Variants in CELF2 observed in about 807,000 individuals in gnomAD.
CELF2 encodes the protein CUGBP Elav-like family member 2.
In CELF2, 8 loss-of-function variants were observed where a neutral mutation model predicts 62.6. The observed-to-expected ratio is 0.13, with a 90% CI of 0.07 to 0.23. The LOEUF (loss-of-function observed/expected upper bound fraction) is 0.23, where lower values mean the gene tolerates loss of function less well. Among genes scored for constraint, CELF2 ranks in the 10% least tolerant of loss-of-function variants. The pLI is 1.00. For synonymous variants in CELF2, 258 were observed against 250.0 expected (o/e 1.03, Z -0.30); for missense variants, 333 against 671.0 (o/e 0.50, Z 5.56).
At chr10:11,264,268 C>G (rs2081548359) in intron 5 of CELF2, among the ~76,000 whole-genome samples, 1 of 152,218 alleles carries the variant, frequency 6.6e-6, no homozygotes, top group South Asian at 2.1e-4. Flanking sequence ...CTGTATCTTT[C>G]TCACTAAGTT....
chr10:10,858,362 A>G (rs1472314051), intron 1 of CELF2, among the ~76,000 whole-genome samples: 1 of 152,140 alleles, frequency 6.6e-6, no homozygotes, highest in Non-Finnish European at 1.5e-5. Context: ...GCTACTTTTC[A>G]TAACTGCTTG....
chr10:10,910,889 C>T (rs1205354574), intron 1 of CELF2, among the ~76,000 whole-genome samples: 1 of 152,060 alleles, frequency 6.6e-6, no homozygotes, highest in East Asian at 1.9e-4. Context: ...GTTACATTTG[C>T]GACTGCCAAA....
intron 1 of CELF2, among the ~76,000 whole-genome samples, chr10:10,919,185 G>A (rs1426966613): frequency 2.6e-5 from 4 of 152,066 alleles, no homozygotes; most frequent in East Asian, 1.9e-4. Context: ...CACGAGAATC[G>A]CTGGAACCCA....
At chr10:10,873,663 G>A (rs1414591864) in intron 1 of CELF2, among the ~76,000 whole-genome samples, 1 of 152,220 alleles carries the variant, frequency 6.6e-6, no homozygotes, top group Admixed American at 6.5e-5. Flanking sequence ...TTTTAACCAA[G>A]GTTGTAGAGT....
At chr10:11,252,061 C>T (rs1433192333) in intron 4 of CELF2, among the ~76,000 whole-genome samples, 2 of 152,230 alleles carry the variant, frequency 1.3e-5, no homozygotes, top group East Asian at 1.9e-4. Flanking sequence ...GAGCGGAAGG[C>T]TGCTTTTAAA....
At chr10:11,326,295 A>G (rs945412785) in intron 12 of CELF2, among the ~76,000 whole-genome samples, 5 of 152,258 alleles carry the variant, frequency 3.3e-5, no homozygotes, top group African/African-American at 1.2e-4. Flanking sequence ...GGGCAACACC[A>G]TATTGGGGGC....
chr10:10,606,463 G>T, the CELF2 span, among the ~76,000 whole-genome samples: 1 of 152,156 alleles, frequency 6.6e-6, no homozygotes, highest in Non-Finnish European at 1.5e-5. Context: ...TCGAGGACTA[G>T]CTTTAAATTG....
chr10:10,474,874 T>C, the CELF2 span, among the ~76,000 whole-genome samples: 1 of 151,992 alleles, frequency 6.6e-6, no homozygotes, highest in Non-Finnish European at 1.5e-5. Context: ...ACTAAGACAT[T>C]AGTTGTGGAA....
At position 11,075,093 on chromosome 10, in the gene CELF2, C is replaced by T. The variant is rs2141133040; in HGVS notation, c.74+56930C>T. ...CTCTTGTCACTATGGGAAAATGCTG[C>T]TCTGTCCTAATCCCCTTGGCCCTGA... On this transcript the variant is annotated intron_variant, in intron 1 of 12. Coordinates refer to ENST00000633077, the MANE Select transcript of CELF2 (RefSeq NM_001326342.2). This position sits in a 1 kb window ranked among gnomAD's most constrained non-coding sequence, Gnocchi z 5.4. 1 of 152,286 alleles carries T rather than the reference C, an allele frequency of 6.6e-6. No homozygotes were observed. Among genetic ancestry groups the T allele is most frequent in the African/African-American group, 2.4e-5 (1 of 41,562 alleles). The allele number at this position is 152,286 out of a possible 1,614,324, so 9.4% of individuals were successfully genotyped here. A position where few individuals can be genotyped will look rare whatever the true frequency, so the allele number is the denominator to read the frequency against.
At chr10:11,079,097 C>A (rs1284267007) in intron 1 of CELF2, among the ~76,000 whole-genome samples, 1 of 152,108 alleles carries the variant, frequency 6.6e-6, no homozygotes, top group East Asian at 1.9e-4. Context: ...CTCTTACTCC[C>A]TACCCTCTCT....
the CELF2 span, among the ~76,000 whole-genome samples, chr10:10,784,253 A>C: frequency 2.0e-5 from 3 of 152,016 alleles, no homozygotes; most frequent in African/African-American, 4.8e-5. Flanking sequence ...TGGGATGAGC[A>C]CCCCTGGGTT....
the CELF2 span, chr10:10,792,537 C>T: frequency 2.5e-6 from 1 of 397,664 alleles, no homozygotes; most frequent in Non-Finnish European, 4.4e-6. Context: ...TGTTTGTAAG[C>T]ACACAAAAAC....
chr10:10,914,923 G>T (rs2064179510), intron 1 of CELF2, among the ~76,000 whole-genome samples: 1 of 152,084 alleles, frequency 6.6e-6, no homozygotes, highest in Non-Finnish European at 1.5e-5. Context: ...CAGGTCAGGA[G>T]TTGGAGACCA....
intron 2 of CELF2, among the ~76,000 whole-genome samples, chr10:10,956,103 A>G (rs2048864165): frequency 6.6e-6 from 1 of 152,172 alleles, no homozygotes; most frequent in South Asian, 2.1e-4. Flanking sequence ...TCTTATATGG[A>G]TGGGTCTGTT....
the CELF2 span, among the ~76,000 whole-genome samples, chr10:10,645,548 G>T: frequency 5.3e-5 from 8 of 152,302 alleles, no homozygotes; most frequent in East Asian, 1.4e-3. Context: ...CAGCTACTCA[G>T]GAGGCTGAGG....
At chr10:10,764,179 C>A in the CELF2 span, among the ~76,000 whole-genome samples, 717 of 152,248 alleles carry the variant, frequency 4.7e-3, 8 homozygotes, top group African/African-American at 0.017. Context: ...TTCTGTGAGG[C>A]TATTTATGAT....
intron 1 of CELF2, among the ~76,000 whole-genome samples, chr10:11,035,577 A>C (rs1259767570): frequency 6.6e-6 from 1 of 152,218 alleles, no homozygotes; most frequent in Non-Finnish European, 1.5e-5. Context: ...GCCAGATTTA[A>C]TGGCCCTGGG....
At chr10:10,980,316 T>C (rs1296454579) in intron 2 of CELF2, among the ~76,000 whole-genome samples, 1 of 152,218 alleles carries the variant, frequency 6.6e-6, no homozygotes, top group African/African-American at 2.4e-5. Flanking sequence ...TCCTGTTTAT[T>C]TCAAAGAAGT....
At chr10:11,289,429 A>G (rs1354375717) in intron 9 of CELF2, among the ~76,000 whole-genome samples, 2 of 152,014 alleles carry the variant, frequency 1.3e-5, no homozygotes, top group African/African-American at 4.8e-5. Flanking sequence ...ACTACAGCCC[A>G]CTCCACGCTG....
Sources: gnomAD v4.1 joint callset for allele counts (sites outside exome capture counted in the v4.1 genomes callset) on GRCh38, gnomAD v4.1.1 for gene constraint, Gnocchi (gnomAD v3.1) non-coding constraint, MANE v1.5 for transcripts, NCBI Gene and HGNC (gene_info 2026-07-23, HGNC 2026-07-21) for gene names.